Variants in MLIP observed in about 807,000 individuals in gnomAD.
MLIP encodes the protein muscular LMNA-interacting protein.
Under a neutral mutation model 84.8 loss-of-function variants are expected in MLIP, and 79 were observed. The observed-to-expected ratio is 0.93, with a 90% CI of 0.78 to 1.12. The LOEUF (loss-of-function observed/expected upper bound fraction) is 1.12, where lower values mean the gene tolerates loss of function less well. MLIP is among the 50% of genes most tolerant of loss of function. The pLI, the probability that MLIP is intolerant of heterozygous loss-of-function variation, is 0.00. For missense variants in MLIP, 1,257 were observed against 1,160.6 expected, an observed-to-expected ratio of 1.08 and a Z score of -1.21; for synonymous variants, 504 against 463.0, an observed-to-expected ratio of 1.09 and a Z score of -1.14.
At chr6:54,041,011 A>C (rs1764711812) in intron 1 of MLIP, 1 of 152,096 alleles carries the variant, frequency 6.6e-6, no homozygotes, top group South Asian at 2.1e-4. Flanking sequence ...CCCAAACCTC[A>C]GCATCACAAA....
At chr6:54,207,854 A>T (rs1202427003) in intron 11 of MLIP, among the ~76,000 whole-genome samples, 3 of 152,200 alleles carry the variant, frequency 2.0e-5, no homozygotes, top group South Asian at 4.1e-4. Context: ...ACTCCAGTTT[A>T]AAAATAGGTC....
At position 54,124,663 on chromosome 6, in the gene MLIP, G is replaced by C; in HGVS notation, c.443G>C (p.Gly148Ala). 1 of 1,614,220 alleles carries C rather than the reference G, an allele frequency of 6.2e-7. No homozygotes were observed. Among genetic ancestry groups the C allele is most frequent in the South Asian group, 1.1e-5 (1 of 91,086 alleles). The change falls in exon 3 of 14, where the codon GGG (glycine) becomes GCG (alanine). Residue 148 changes from glycine (G) to alanine (A), a missense_variant. Gly to Ala is a moderately conservative substitution (Grantham distance 60). Transcript: ENST00000502396. ...TATGTCCTTATTGTGGACTCCGAAG[G>C]GGAAGATGAGGCTGCAAGCAGAAAA... The part of the protein sequence containing the change: ...AEYVLIVDSE[G>A]EDEAASRKVE...
At chr6:54,055,098 G>A (rs1765583552) in intron 1 of MLIP, among the ~76,000 whole-genome samples, 1 of 152,078 alleles carries the variant, frequency 6.6e-6, no homozygotes, top group African/African-American at 2.4e-5. Flanking sequence ...TGTGTTAGCA[G>A]GATGGTCTTG....
chr6:54,197,399 T>C (rs73741462), intron 10 of MLIP, among the ~76,000 whole-genome samples: 4,721 of 152,148 alleles, frequency 0.031, 217 homozygotes, highest in African/African-American at 0.11. Context: ...CTATAGTTCC[T>C]GACACAGACT....
rs1314514981 is a variant in MLIP at position 54,158,450 on chromosome 6, CTTTTGTAACTG to C, written c.2290-1915_2290-1905del. ...TTGCTTATTGCATTTTTGGTAACCT[CTTTTGTAACTG>C]TCTTCAGAACCCATGGCATATATTT... On this transcript the variant is annotated intron_variant, in intron 5 of 13. Transcript: ENST00000502396. 3.3e-5 allele frequency among the ~76,000 whole-genome samples: 5 copies of C among 152,146 alleles called. No homozygotes were observed. In the East Asian group the frequency reaches 7.7e-4, roughly 24 times the overall value.
Position 54,137,400 on chromosome 6 carries a change from C to T in MLIP, c.1331C>T (p.Pro444Leu), listed in dbSNP as rs750871890. 8 of 1,536,126 alleles carry T rather than the reference C, an allele frequency of 5.2e-6. No homozygotes were observed. The highest frequency in any genetic ancestry group is 2.4e-5 in the East Asian group (1 of 40,898). Residue 444 changes from proline to leucine, a missense_variant, in exon 4 of 14, where the codon CCG becomes CTG. Transcript: ENST00000502396. ...TGTCCCACCTTCTCTCTCAACTCCC[C>T]GGCCTCTTCCACGCTCACACTTGAC... ...ASCPTFSLNSPASSTLTLDQK... is the reference protein window; with the variant it reads ...ASCPTFSLNSLASSTLTLDQK...
intron 11 of MLIP, among the ~76,000 whole-genome samples, chr6:54,207,052 C>T (rs921373748): frequency 2.0e-4 from 30 of 151,832 alleles, no homozygotes; most frequent in African/African-American, 6.3e-4. Context: ...ATTGTTTTAA[C>T]GAGAGGAAAG....
upstream of MLIP, among the ~76,000 whole-genome samples, chr6:54,110,730 A>G (rs1769389930): frequency 6.6e-6 from 1 of 152,236 alleles, no homozygotes; most frequent in Non-Finnish European, 1.5e-5. Context: ...TTGGAGAAAA[A>G]TCAATACTTA....
chr6:54,221,310 C>A (rs3957360), intron 11 of MLIP, among the ~76,000 whole-genome samples: 1 of 151,990 alleles, frequency 6.6e-6, no homozygotes, highest in Non-Finnish European at 1.5e-5. Flanking sequence ...TCCAGGAAAT[C>A]CATTTGCTAT....
intron 1 of MLIP, among the ~76,000 whole-genome samples, chr6:54,076,163 C>T (rs562844814): frequency 6.6e-6 from 1 of 152,244 alleles, no homozygotes; most frequent in African/African-American, 2.4e-5. Flanking sequence ...TCTGTCTCTG[C>T]AACTTCCAAT....
rs143658981 is a variant in MLIP, at chr6:54,123,775, C to T, written c.253-698C>T. Among the ~76,000 whole-genome samples, 309 of 152,260 alleles carry T rather than the reference C, an allele frequency of 2.0e-3. 1 individual carries two copies. Among genetic ancestry groups the T allele is most frequent in the African/African-American group, 5.3e-3 (222 of 41,554 alleles). ...TTAAACACAATCTCAGTATACATGGCTGTCATAGTTTTAGAAAAAGAAGTT... is the reference window on the plus strand; with the variant it reads ...TTAAACACAATCTCAGTATACATGGTTGTCATAGTTTTAGAAAAAGAAGTT... On this transcript the variant is annotated intron_variant, in intron 2 of 13. Transcript: ENST00000502396.
At position 54,138,264 on chromosome 6, in the gene MLIP, GC is replaced by G; in HGVS notation, c.2198del (p.Pro733GlnfsTer33). 1.3e-6 allele frequency: 2 copies of G among 1,533,952 alleles called. No individual in the cohort carries two copies. The highest frequency in any genetic ancestry group is 1.7e-6 in the Non-Finnish European group (2 of 1,145,200). On this transcript the variant is annotated frameshift_variant, in exon 4 of 14. Coordinates refer to ENST00000502396, the MANE Select transcript of MLIP (RefSeq NM_001281747.2). LOFTEE classifies it high-confidence loss of function. ...ISPCALSMSTGPENKKSKQYK... is the reference protein window; with the variant it reads ...ISPCALSMSTXPENKKSKQYK... The stretch of plus-strand genomic sequence containing the variant: ...CCTTGTGCATTGTCCATGTCAACAG[GC>G]CCAGAAAATAAGAAATCAAAGGTAT...
At chr6:54,084,356 A>C (rs1224412766) in intron 1 of MLIP, among the ~76,000 whole-genome samples, 2 of 152,170 alleles carry the variant, frequency 1.3e-5, no homozygotes, top group East Asian at 3.8e-4. Flanking sequence ...GCTGAACATG[A>C]TCACATTTAC....
chr6:54,173,466 A>G (rs2150605767), intron 9 of MLIP, among the ~76,000 whole-genome samples: 1 of 152,002 alleles, frequency 6.6e-6, no homozygotes, highest in East Asian at 1.9e-4. Context: ...AGGGTTTTAA[A>G]TCATGTGCTT....
At chr6:54,095,345 C>T (rs546892341) in intron 1 of MLIP, among the ~76,000 whole-genome samples, 244 of 152,264 alleles carry the variant, frequency 1.6e-3, no homozygotes, top group African/African-American at 5.1e-3. Context: ...GGAGTCAGGA[C>T]AAAGTGAGAG....
intron 12 of MLIP, among the ~76,000 whole-genome samples, chr6:54,244,562 T>C (rs1562099628): frequency 6.6e-6 from 1 of 152,200 alleles, no homozygotes; most frequent in Non-Finnish European, 1.5e-5. Context: ...GAAGTGGTTT[T>C]GCAAAATGAA....
intron 4 of MLIP, among the ~76,000 whole-genome samples, chr6:54,140,944 G>T (rs1004759293): frequency 1.3e-5 from 2 of 152,102 alleles, no homozygotes; most frequent in African/African-American, 4.8e-5. Flanking sequence ...GACTCTTTTT[G>T]AAATCAAAGA....
rs532080546 is a variant in MLIP at position 54,217,188 on chromosome 6, C to T, written c.2719-13526C>T. On this transcript the variant is annotated intron_variant, in intron 11 of 13. Coordinates refer to ENST00000502396, the MANE Select transcript of MLIP (RefSeq NM_001281747.2). Reference sequence around the variant, plus strand: ...AGGTGTCTTGTACTCAGACAGAAAACCGCAGCGTGAAGAGGGGACAGCATG... The same window carrying T: ...AGGTGTCTTGTACTCAGACAGAAAATCGCAGCGTGAAGAGGGGACAGCATG... The T allele has an allele frequency of 4.1e-6, 4 of 985,354 alleles. No individual in the cohort carries two copies. In the African/African-American group the frequency reaches 5.2e-5, roughly 13 times the overall value. The allele number at this position is 985,354 out of a possible 1,614,324, so 61.0% of individuals were successfully genotyped here. A position where few individuals can be genotyped will look rare whatever the true frequency, so the allele number is the denominator to read the frequency against.
Position 54,067,130 on chromosome 6 carries a change from G to A in MLIP, c.63+48039G>A, listed in dbSNP as rs1348661814. 5.9e-5 allele frequency among the ~76,000 whole-genome samples: 6 copies of A among 100,854 alleles called. 2 individuals are homozygous for A. Among genetic ancestry groups the A allele is most frequent in the Admixed American group, 2.8e-4 (3 of 10,858 alleles). 66.2% of individuals were successfully genotyped at this position (100,854 alleles called of 152,430 possible). A position where few individuals can be genotyped will look rare whatever the true frequency, so the allele number is the denominator to read the frequency against. On this transcript the variant is annotated intron_variant, in intron 1 of 12. Transcript: ENST00000274897. ...CATCTGTGTGGAAAACAAATACACT[G>A]TAATTTACTGAAGGCATTTATTTAT...
Sources: allele counts gnomAD v4.1 joint callset (sites outside exome capture counted in the v4.1 genomes callset), GRCh38; gene constraint gnomAD v4.1.1; transcripts MANE v1.5; gene names NCBI Gene and HGNC (gene_info 2026-07-23, HGNC 2026-07-21).